The following SCHIP1 variants were observed in gnomAD, a reference collection of about 807,000 sequenced individuals.
SCHIP1 encodes the protein schwannomin interacting protein 1, also known as schwannomin-interacting protein 1.
Under a neutral mutation model 29.7 loss-of-function variants are expected in SCHIP1, and 8 were observed. The observed-to-expected ratio is 0.27, with a 90% confidence interval of 0.16 to 0.49. The LOEUF (loss-of-function observed/expected upper bound fraction) is 0.49, where lower values mean the gene tolerates loss of function less well. SCHIP1 is among the 20% of genes least tolerant of loss of function. The probability of loss-of-function intolerance (pLI) is 0.99; values close to 1 mark genes in which losing one functional copy is unlikely to be tolerated. For missense variants in SCHIP1, 193 were observed against 294.6 expected, an observed-to-expected ratio of 0.66 and a Z score of 2.52; for synonymous variants, 76 against 94.9, an observed-to-expected ratio of 0.80 and a Z score of 1.16.
At chr3:159,529,259 T>C in the SCHIP1 span, among the ~76,000 whole-genome samples, 1 of 152,162 alleles carries the variant, frequency 6.6e-6, no homozygotes, top group Non-Finnish European at 1.5e-5. Flanking sequence ...GTTCTATTGA[T>C]AGAAAATAAC....
At chr3:159,288,165 G>A in the SCHIP1 span, among the ~76,000 whole-genome samples, 1 of 152,138 alleles carries the variant, frequency 6.6e-6, no homozygotes, top group Non-Finnish European at 1.5e-5. Flanking sequence ...TCTGCACTGT[G>A]AGTCTGAAGG....
At chr3:159,451,818 G>A in the SCHIP1 span, among the ~76,000 whole-genome samples, 2 of 152,160 alleles carry the variant, frequency 1.3e-5, no homozygotes, top group Non-Finnish European at 2.9e-5. Context: ...AAAGTGCTGT[G>A]AGAGCTGAGG....
At chr3:159,409,737 C>T in the SCHIP1 span, among the ~76,000 whole-genome samples, 1 of 152,150 alleles carries the variant, frequency 6.6e-6, no homozygotes, top group African/African-American at 2.4e-5. Flanking sequence ...TCAGTGCCAC[C>T]TCTATCAAAA....
At chr3:159,516,770 G>A in the SCHIP1 span, among the ~76,000 whole-genome samples, 12 of 151,862 alleles carry the variant, frequency 7.9e-5, no homozygotes, top group South Asian at 2.1e-4. Flanking sequence ...TCCTGTTGTC[G>A]TCCCTGCTGC....
At chr3:159,521,593 T>C in the SCHIP1 span, among the ~76,000 whole-genome samples, 9 of 152,352 alleles carry the variant, frequency 5.9e-5, no homozygotes, top group South Asian at 1.2e-3. Flanking sequence ...TGCCTGGCCA[T>C]TGTCAGCATT....
chr3:159,322,391 A>G, the SCHIP1 span, among the ~76,000 whole-genome samples: 3 of 152,144 alleles, frequency 2.0e-5, no homozygotes, highest in African/African-American at 7.2e-5. Flanking sequence ...ACTTCTTGAA[A>G]TTTACTGAAA....
chr3:159,738,036 C>T, the SCHIP1 span, among the ~76,000 whole-genome samples: 1 of 152,078 alleles, frequency 6.6e-6, no homozygotes, highest in Admixed American at 6.6e-5. Flanking sequence ...TTCCTTGTCT[C>T]TTCCTTTCTC....
At chr3:159,687,527 C>A in the SCHIP1 span, among the ~76,000 whole-genome samples, 1 of 152,082 alleles carries the variant, frequency 6.6e-6, no homozygotes, top group African/African-American at 2.4e-5. Context: ...CCTCCCCCAC[C>A]CCACAAAAAA....
the SCHIP1 span, among the ~76,000 whole-genome samples, chr3:159,459,055 A>G: frequency 6.6e-6 from 1 of 152,176 alleles, no homozygotes; most frequent in Non-Finnish European, 1.5e-5. Flanking sequence ...TTACATGTAT[A>G]TTTGATGATT....
At chr3:159,565,458 A>G in the SCHIP1 span, among the ~76,000 whole-genome samples, 2 of 152,148 alleles carry the variant, frequency 1.3e-5, no homozygotes, top group African/African-American at 2.4e-5. Flanking sequence ...GTTTTGGCGC[A>G]TCTCCTATGT....
chr3:159,678,284 A>T, the SCHIP1 span, among the ~76,000 whole-genome samples: 1 of 152,216 alleles, frequency 6.6e-6, no homozygotes, highest in Non-Finnish European at 1.5e-5. Flanking sequence ...AGATTATTTC[A>T]TCCAAGTGAA....
chr3:159,534,788 T>C, the SCHIP1 span, among the ~76,000 whole-genome samples: 1 of 152,200 alleles, frequency 6.6e-6, no homozygotes, highest in Non-Finnish European at 1.5e-5. Context: ...AGGAGAATTC[T>C]GCTTTCTTTT....
chr3:159,823,934 C>T, the SCHIP1 span, among the ~76,000 whole-genome samples: 1 of 152,158 alleles, frequency 6.6e-6, no homozygotes, highest in East Asian at 1.9e-4. Flanking sequence ...TGAAACATGA[C>T]CACGGGACAG....
chr3:159,764,479 G>T, the SCHIP1 span: 4 of 1,591,126 alleles, frequency 2.5e-6, no homozygotes, highest in East Asian at 9.1e-5. This position sits in a 1 kb window ranked among gnomAD's most constrained non-coding sequence, Gnocchi z 6.1. Context: ...AGGCAGTGAC[G>T]CCGGCAGCAG....
the SCHIP1 span, among the ~76,000 whole-genome samples, chr3:159,444,444 C>T: frequency 2.8e-4 from 43 of 151,896 alleles, no homozygotes; most frequent in Non-Finnish European, 5.1e-4. Flanking sequence ...TGGCAGCACA[C>T]AATCAGCAGC....
chr3:159,866,449 G>A (rs918761345), intron 2 of SCHIP1, among the ~76,000 whole-genome samples, 168 bp downstream of exon 3: 9 of 151,858 alleles, frequency 5.9e-5, no homozygotes, highest in African/African-American at 1.5e-4. Context: ...CTTGTTTGTC[G>A]GTTTCTTTGT....
the SCHIP1 span, among the ~76,000 whole-genome samples, chr3:159,428,592 T>C: frequency 6.6e-6 from 1 of 151,318 alleles, no homozygotes; most frequent in Non-Finnish European, 1.5e-5. Flanking sequence ...TTTTACACTG[T>C]TGGTGGGACT....
At chr3:159,354,841 G>A in the SCHIP1 span, among the ~76,000 whole-genome samples, 1 of 152,124 alleles carries the variant, frequency 6.6e-6, no homozygotes, top group African/African-American at 2.4e-5. Context: ...ATAGAAAAAG[G>A]CAAATAACAC....
chr3:159,787,857 A>T, the SCHIP1 span, among the ~76,000 whole-genome samples: 3 of 152,140 alleles, frequency 2.0e-5, no homozygotes, highest in Non-Finnish European at 4.4e-5. Context: ...CACTTCACAC[A>T]TTTGGACCAA....
Sources: allele counts gnomAD v4.1 joint callset (sites outside exome capture counted in the v4.1 genomes callset), GRCh38; gene constraint gnomAD v4.1.1; non-coding constraint Gnocchi (gnomAD v3.1); transcripts MANE v1.5; gene names NCBI Gene and HGNC (gene_info 2026-07-23, HGNC 2026-07-21).